The following PRKAG2 variants were observed in gnomAD, a reference collection of about 807,000 sequenced individuals.
The protein encoded by PRKAG2 is 5'-AMP-activated protein kinase subunit gamma-2.
A neutral mutation model predicts 69.6 loss-of-function variants in PRKAG2; 26 were observed. The ratio of observed to expected loss-of-function variants is 0.37; its 90% CI spans 0.27 to 0.52. The LOEUF is 0.52. Ranked by LOEUF, PRKAG2 falls within the 20% of genes least tolerant of loss-of-function variation. The pLI, the probability that PRKAG2 is intolerant of heterozygous loss-of-function variation, is 0.90. For synonymous variants in PRKAG2, 293 were observed against 285.0 expected (o/e 1.03, Z -0.28); for missense variants, 557 against 740.0 (o/e 0.75, Z 2.87).
chr7:151,842,081 TGATGGTAGTGATGGTAGGTAGG>T (rs1348679655), intron 1 of PRKAG2, among the ~76,000 whole-genome samples: 6 of 134,552 alleles, frequency 4.5e-5, no homozygotes, highest in African/African-American at 1.2e-4. Flanking sequence ...TAGGTAGTGA[TGATGGTAGTGATGGTAGGTAGG>T]GATGGTAGTG....
intron 1 of PRKAG2, among the ~76,000 whole-genome samples, chr7:151,855,445 CA>C: frequency 1.5e-5 from 1 of 68,908 alleles, no homozygotes; most frequent in Non-Finnish European, 2.9e-5. Context: ...CCGCCCTCCA[CA>C]CACACCATCC....
intron 3 of PRKAG2, among the ~76,000 whole-genome samples, chr7:151,754,884 T>C (rs1156569765): frequency 6.6e-6 from 1 of 151,906 alleles, no homozygotes. Flanking sequence ...TATTGGAAAG[T>C]TGGAGCAGCG....
chr7:151,832,253 G>A (rs1586685989), intron 1 of PRKAG2, among the ~76,000 whole-genome samples: 1 of 140,900 alleles, frequency 7.1e-6, no homozygotes, highest in African/African-American at 2.8e-5. Flanking sequence ...GGAAGGAAGG[G>A]AGGAGGGAAG....
chr7:151,726,402 G>GCACACGCA (rs1563532611), intron 3 of PRKAG2, among the ~76,000 whole-genome samples: 13 of 101,906 alleles, frequency 1.3e-4, no homozygotes, highest in South Asian at 2.8e-4. Flanking sequence ...ACACACACAC[G>GCACACGCA]CACACACACA....
intron 3 of PRKAG2, among the ~76,000 whole-genome samples, chr7:151,773,028 AGAGAGAGAGAGAGAGAGAG>A (rs2076116977): frequency 1.2e-4 from 6 of 50,892 alleles, no homozygotes; most frequent in African/African-American, 5.7e-4. Flanking sequence ...AAAGAAAGAG[AGAGAGAGAGAGAGAGAGAG>A]AGAGAGGGAG....
At chr7:151,769,986 A>G (rs955963382) in intron 3 of PRKAG2, among the ~76,000 whole-genome samples, 2 of 152,198 alleles carry the variant, frequency 1.3e-5, no homozygotes, top group African/African-American at 4.8e-5. Flanking sequence ...GGGACCCCAG[A>G]AAAACCTTAA....
intron 4 of PRKAG2, among the ~76,000 whole-genome samples, chr7:151,634,304 T>G (rs532452708): frequency 1.3e-5 from 2 of 152,278 alleles, no homozygotes; most frequent in African/African-American, 2.4e-5. Flanking sequence ...AACCCCAACC[T>G]AAGCCTTGCG....
chr7:151,824,551 CCA>C (rs2078865057), intron 1 of PRKAG2, among the ~76,000 whole-genome samples: 2 of 152,300 alleles, frequency 1.3e-5, no homozygotes, highest in South Asian at 4.1e-4. Context: ...ACTACCCCCA[CCA>C]CACTTGGCTG....
At chr7:151,646,489 A>G (rs891104738) in intron 4 of PRKAG2, among the ~76,000 whole-genome samples, 1 of 152,236 alleles carries the variant, frequency 6.6e-6, no homozygotes, top group Non-Finnish European at 1.5e-5. Flanking sequence ...TGCTGTTAGC[A>G]TATAAAAATA....
chr7:151,660,261 A>T (rs997082079), intron 4 of PRKAG2, among the ~76,000 whole-genome samples: 9 of 152,230 alleles, frequency 5.9e-5, no homozygotes, highest in Non-Finnish European at 1.3e-4. Flanking sequence ...GACAGATCTT[A>T]AGAAGGAAAA....
At chr7:151,705,140 A>G (rs1426043423) in intron 3 of PRKAG2, among the ~76,000 whole-genome samples, 1 of 152,214 alleles carries the variant, frequency 6.6e-6, no homozygotes, top group Non-Finnish European at 1.5e-5. Flanking sequence ...CAATTGAGTT[A>G]TACTTCCAGC....
chr7:151,632,410 G>T lies in PRKAG2; in HGVS notation c.685-272C>A. 1 of 511,082 alleles carries T rather than the reference G, an allele frequency of 2.0e-6. No homozygotes were observed. The highest frequency in any genetic ancestry group is 2.5e-6 in the Non-Finnish European group (1 of 397,782). The allele number at this position is 511,082 out of a possible 1,614,324, so 31.7% of individuals were successfully genotyped here. A position where few individuals can be genotyped will look rare whatever the true frequency, so the allele number is the denominator to read the frequency against. On this transcript the variant is annotated intron_variant, in intron 4 of 15. Transcript: ENST00000287878. The surrounding 1 kb of genome is among the most constrained non-coding windows in gnomAD (Gnocchi z 4.2). ...CCGCTCCCCCCCGCGCCTTGGTACG[G>T]CCCGCCCGGGAGGAAGCGTGGGAAG...
intron 1 of PRKAG2, among the ~76,000 whole-genome samples, chr7:151,852,025 C>T (rs79761463): frequency 6.6e-6 from 1 of 152,164 alleles, no homozygotes; most frequent in Non-Finnish European, 1.5e-5. Context: ...GTGCCTGCTC[C>T]GTCCCATGTC....
In PRKAG2 at chr7:151,748,068, G is replaced by A. The variant is rs565156522; in HGVS notation, c.466+33084C>T. On this transcript the variant is annotated intron_variant, in intron 3 of 15. Transcript: ENST00000287878. ...CCCTAGTAGCTGGTACTACAGGCACGTGCCACCACGCCTGGCTAATTTTTG... is the reference window on the plus strand; with the variant it reads ...CCCTAGTAGCTGGTACTACAGGCACATGCCACCACGCCTGGCTAATTTTTG... 7.9e-5 allele frequency among the ~76,000 whole-genome samples: 12 copies of A among 151,970 alleles called. No homozygotes were observed. In the East Asian group the frequency reaches 1.2e-3, roughly 15 times the overall value.
intron 3 of PRKAG2, among the ~76,000 whole-genome samples, chr7:151,775,533 G>T (rs929893840): frequency 6.6e-6 from 1 of 152,186 alleles, no homozygotes; most frequent in Non-Finnish European, 1.5e-5. Context: ...GTGGTCGTGT[G>T]AATATAAAAG....
intron 3 of PRKAG2, among the ~76,000 whole-genome samples, chr7:151,758,737 T>G (rs1186600811): frequency 6.6e-6 from 1 of 152,136 alleles, no homozygotes; most frequent in East Asian, 1.9e-4. Context: ...AAGCTCAATA[T>G]GTGATTTTTA....
chr7:151,730,495 G>A (rs533818544), intron 3 of PRKAG2, among the ~76,000 whole-genome samples: 12 of 152,096 alleles, frequency 7.9e-5, no homozygotes, highest in Non-Finnish European at 1.0e-4. Flanking sequence ...GGGAAACCCC[G>A]TCTCTTTTTA....
chr7:151,587,469 A>T (rs1811968557), intron 6 of PRKAG2, among the ~76,000 whole-genome samples: 1 of 152,168 alleles, frequency 6.6e-6, no homozygotes, highest in East Asian at 1.9e-4. Context: ...TGGCATGGAA[A>T]GGAGGAAGAA....
intron 1 of PRKAG2, among the ~76,000 whole-genome samples, chr7:151,816,703 G>C (rs925765355): frequency 1.3e-5 from 2 of 152,204 alleles, no homozygotes; most frequent in African/African-American, 4.8e-5. Flanking sequence ...CCAGCCCCCC[G>C]GGCACCGATG....
Sources: gnomAD v4.1 joint callset for allele counts (sites outside exome capture counted in the v4.1 genomes callset) on GRCh38, gnomAD v4.1.1 for gene constraint, Gnocchi (gnomAD v3.1) non-coding constraint, MANE v1.5 for transcripts, NCBI Gene and HGNC (gene_info 2026-07-23, HGNC 2026-07-21) for gene names.